NIM1K: variants seen among roughly 807,000 people sequenced by gnomAD.
NIM1K encodes NIM1 serine/threonine protein kinase, also known as serine/threonine-protein kinase NIM1.
In NIM1K, 35 loss-of-function variants were observed where a neutral mutation model predicts 37.1. The ratio of observed to expected loss-of-function variants is 0.94; its 90% CI spans 0.72 to 1.25. NIM1K has a LOEUF of 1.25. Ranked by LOEUF, NIM1K falls within the 50% of genes most tolerant of loss-of-function variation. NIM1K has a pLI of 0.00. For synonymous variants in NIM1K, 234 were observed against 206.6 expected, an observed-to-expected ratio of 1.13 and a Z score of -1.14; for missense variants, 564 against 548.0, an observed-to-expected ratio of 1.03 and a Z score of -0.29.
Position 43,245,641 on chromosome 5 carries a change from G to T in NIM1K, c.-135G>T. 1 of 810,374 alleles carries T rather than the reference G, an allele frequency of 1.2e-6. No homozygotes were observed. 50.2% of individuals were successfully genotyped at this position (810,374 alleles called of 1,614,324 possible). On this transcript the variant is annotated 5_prime_UTR_variant, in exon 2 of 4. Transcript: ENST00000326035. ...TCTCACTAAAGCCGAGAGGGAGGCT[G>T]CTCAGCTCTCAGGAAAACTCTTTTG...
At chr5:43,270,684 A>G (rs1391218425) in intron 2 of NIM1K, among the ~76,000 whole-genome samples, 1 of 152,238 alleles carries the variant, frequency 6.6e-6, no homozygotes, top group Non-Finnish European at 1.5e-5. Flanking sequence ...TCAAAGTGAG[A>G]CAAGCCATTA....
In NIM1K at chr5:43,238,885, C is replaced by T. The variant is rs531340835; in HGVS notation, c.-694-6197C>T. 4.3e-5 allele frequency among the ~76,000 whole-genome samples: 6 copies of T among 141,116 alleles called. No homozygotes were observed. In the South Asian group the frequency reaches 1.3e-3, roughly 30 times the overall value. The allele number at this position is 141,116 out of a possible 152,430, so 92.6% of individuals were successfully genotyped here. A position where few individuals can be genotyped will look rare whatever the true frequency, so the allele number is the denominator to read the frequency against. ...ACAGACTTTTACCTAATCCTCCGTC[C>T]TGTGCCTTGTGTTCCTGAGCTGGGA... On this transcript the variant is annotated intron_variant, in intron 1 of 3. Coordinates refer to ENST00000326035, the MANE Select transcript of NIM1K (RefSeq NM_153361.4).
chr5:43,231,022 T>C lies in NIM1K; in HGVS notation c.-694-14060T>C, dbSNP rs139449131. Among the ~76,000 whole-genome samples the C allele has an allele frequency of 2.0e-5, 3 of 152,356 alleles. No individual in the cohort carries two copies. In the East Asian group the frequency reaches 5.8e-4, roughly 29 times the overall value. Reference sequence around the variant, plus strand: ...ATGGCACTTTACACTAATCAAAAAATATATTATTTTCTTGGCTGGATGCTG... The same window carrying C: ...ATGGCACTTTACACTAATCAAAAAACATATTATTTTCTTGGCTGGATGCTG... On this transcript the variant is annotated intron_variant, in intron 1 of 3. Coordinates refer to ENST00000326035, the MANE Select transcript of NIM1K (RefSeq NM_153361.4).
At chr5:43,232,100 C>A (rs1000711439) in intron 1 of NIM1K, 4 of 1,039,548 alleles carry the variant, frequency 3.8e-6, no homozygotes, top group Non-Finnish European at 4.4e-6. Flanking sequence ...GGAGGGCTGG[C>A]AGTTAATGCC....
chr5:43,214,166 G>GT (rs1251781848), intron 1 of NIM1K, among the ~76,000 whole-genome samples: 1 of 152,060 alleles, frequency 6.6e-6, no homozygotes, highest in Non-Finnish European at 1.5e-5. Flanking sequence ...CCAGTTGACT[G>GT]TATCAGGGAG....
intron 1 of NIM1K, among the ~76,000 whole-genome samples, chr5:43,200,468 T>A (rs950189369): frequency 1.3e-5 from 2 of 151,858 alleles, no homozygotes; most frequent in Non-Finnish European, 2.9e-5. Flanking sequence ...GCCCGGCTAC[T>A]TTTTTGTATT....
chr5:43,231,747 A>G, intron 1 of NIM1K: 2 of 1,021,420 alleles, frequency 2.0e-6, no homozygotes, highest in Non-Finnish European at 2.9e-6. Flanking sequence ...TCAGACCACA[A>G]CTTTTCAATG....
intron 1 of NIM1K, among the ~76,000 whole-genome samples, chr5:43,196,205 T>G (rs888649546): frequency 1.3e-5 from 2 of 152,224 alleles, no homozygotes; most frequent in African/African-American, 4.8e-5. Context: ...TTGTTGGAAT[T>G]ATCTAGTTGG....
intron 2 of NIM1K, among the ~76,000 whole-genome samples, chr5:43,271,557 G>T (rs759654014): frequency 6.6e-6 from 1 of 152,150 alleles, no homozygotes; most frequent in African/African-American, 2.4e-5. Context: ...GTAAGAATAT[G>T]TACAGAGACC....
At chr5:43,253,663 G>GTT (rs756961168) in intron 2 of NIM1K, among the ~76,000 whole-genome samples, 10 of 143,874 alleles carry the variant, frequency 7.0e-5, no homozygotes, top group Non-Finnish European at 1.1e-4. Context: ...CTACTGAAGA[G>GTT]TTTTTTTTTT....
At chr5:43,220,398 G>T (rs747932191) in intron 1 of NIM1K, among the ~76,000 whole-genome samples, 33 of 149,422 alleles carry the variant, frequency 2.2e-4, no homozygotes, top group Non-Finnish European at 4.3e-4. Context: ...CGATTCTCCT[G>T]CCTTAGCATC....
At chr5:43,220,838 T>C (rs190430782) in intron 1 of NIM1K, among the ~76,000 whole-genome samples, 15 of 152,250 alleles carry the variant, frequency 9.9e-5, no homozygotes, top group South Asian at 4.1e-4. Flanking sequence ...CTTTATATAA[T>C]GTTAAGTGCT....
chr5:43,242,894 T>C (rs142980025), intron 1 of NIM1K: 10,951 of 151,662 alleles, frequency 0.072, 954 homozygotes, highest in African/African-American at 0.2. Context: ...CTCTGCCTCC[T>C]GGGTTCAAAC....
At chr5:43,258,587 G>A (rs1359694390) in intron 2 of NIM1K, among the ~76,000 whole-genome samples, 1 of 151,946 alleles carries the variant, frequency 6.6e-6, no homozygotes, top group African/African-American at 2.4e-5. Context: ...AACCACAGGG[G>A]CATGCCATCA....
At chr5:43,253,212 A>ATAATATAATATGTGTGTGTG (rs1300038063) in intron 2 of NIM1K, among the ~76,000 whole-genome samples, 2 of 131,754 alleles carry the variant, frequency 1.5e-5, no homozygotes, top group East Asian at 2.3e-4. Flanking sequence ...AATATAATAT[A>ATAATATAATATGTGTGTGTG]TGTGTGTGTG....
chr5:43,203,206 A>G (rs1245969145), intron 1 of NIM1K, among the ~76,000 whole-genome samples: 2 of 152,148 alleles, frequency 1.3e-5, no homozygotes, highest in Non-Finnish European at 2.9e-5. Context: ...CTGCTCTAGG[A>G]TTAAATTTAT....
intron 2 of NIM1K, among the ~76,000 whole-genome samples, chr5:43,252,850 GTTT>G (rs1259409266): frequency 6.6e-6 from 1 of 151,968 alleles, no homozygotes; most frequent in East Asian, 1.9e-4. Context: ...GAATGTGGGT[GTTT>G]TTTTCTGTTG....
At chr5:43,277,477 T>C (rs746094981) in intron 3 of NIM1K, 152 bp downstream of exon 3, 11 of 789,364 alleles carry the variant, frequency 1.4e-5, no homozygotes, top group Non-Finnish European at 2.2e-5. Flanking sequence ...CTGGCTGGGA[T>C]CATGCTCCTT....
At position 43,280,392 on chromosome 5, in the gene NIM1K, T is replaced by C. The variant is rs565578372; in HGVS notation, c.974T>C (p.Met325Thr). 1 of 1,614,184 alleles carries C rather than the reference T, an allele frequency of 6.2e-7. No individual in the cohort carries two copies. Among genetic ancestry groups the C allele is most frequent in the East Asian group, 2.2e-5 (1 of 44,868 alleles). The change falls in exon 4 of 4, where the codon ATG becomes ACG. Residue 325 changes from methionine (M) to threonine (T), a missense_variant. Met to Thr is a moderately conservative substitution (Grantham distance 81, BLOSUM62 -1). Transcript: ENST00000326035. Reference sequence around the variant, plus strand: ...GACTGCATCATGAATGATGAATGGATGCAAGGGGTGCCATACCCTACACCT... The same window carrying C: ...GACTGCATCATGAATGATGAATGGACGCAAGGGGTGCCATACCCTACACCT... ...GIDCIMNDEW[M>T]QGVPYPTPLE...
Sources: gnomAD v4.1 joint callset for allele counts (sites outside exome capture counted in the v4.1 genomes callset) on GRCh38, gnomAD v4.1.1 for gene constraint, MANE v1.5 for transcripts, NCBI Gene and HGNC (gene_info 2026-07-23, HGNC 2026-07-21) for gene names.